Variants in PLS1 observed in about 807,000 individuals in gnomAD.
The protein encoded by PLS1 is plastin 1, also known as plastin-1.
A neutral mutation model predicts 73.7 loss-of-function variants in PLS1; 32 were observed. The ratio of observed to expected loss-of-function variants is 0.43; its 90% CI spans 0.33 to 0.58. The LOEUF is 0.58. PLS1 is among the 20% of genes least tolerant of loss of function. The pLI is 0.04. For missense variants in PLS1, 633 were observed against 740.5 expected (o/e 0.85, Z 1.68); for synonymous variants, 217 against 261.3 (o/e 0.83, Z 1.63).
chr3:142,689,121 A>C (rs934263671), intron 9 of PLS1, among the ~76,000 whole-genome samples: 1 of 152,156 alleles, frequency 6.6e-6, no homozygotes, highest in Non-Finnish European at 1.5e-5. Context: ...AAATTCAGAG[A>C]CTTTTTTCCT....
At chr3:142,647,303 T>A (rs576452827) in intron 1 of PLS1, among the ~76,000 whole-genome samples, 2 of 152,276 alleles carry the variant, frequency 1.3e-5, no homozygotes, top group South Asian at 4.1e-4. Context: ...GGAGTTTCTT[T>A]AGGATAATGG....
At chr3:142,655,363 C>T (rs1337368621) in intron 1 of PLS1, among the ~76,000 whole-genome samples, 2 of 151,992 alleles carry the variant, frequency 1.3e-5, no homozygotes, top group African/African-American at 4.8e-5. Context: ...GAAAAAAGTC[C>T]CAATGTTAAA....
intron 11 of PLS1, among the ~76,000 whole-genome samples, chr3:142,695,956 A>G (rs1400469084): frequency 6.6e-6 from 1 of 151,988 alleles, no homozygotes; most frequent in Non-Finnish European, 1.5e-5. Context: ...CACCACGCCC[A>G]GCTAATTTTG....
At chr3:142,613,339 C>G (rs2036157010) in intron 1 of PLS1, among the ~76,000 whole-genome samples, 1 of 151,814 alleles carries the variant, frequency 6.6e-6, no homozygotes, top group South Asian at 2.1e-4. Flanking sequence ...AATTAGCCAG[C>G]TGTGGTGGCT....
intron 1 of PLS1, among the ~76,000 whole-genome samples, chr3:142,651,348 G>A (rs775809304): frequency 1.3e-5 from 2 of 151,056 alleles, no homozygotes; most frequent in South Asian, 4.2e-4. Flanking sequence ...TGTAATCTCA[G>A]CTTCTTTGGA....
intron 1 of PLS1, among the ~76,000 whole-genome samples, chr3:142,663,007 C>T (rs536875159): frequency 1.3e-5 from 2 of 152,048 alleles, no homozygotes; most frequent in African/African-American, 2.4e-5. Context: ...GTCAGGAGTT[C>T]GAGACCAGCC....
At chr3:142,634,426 A>G (rs1308451851) in intron 1 of PLS1, among the ~76,000 whole-genome samples, 1 of 152,214 alleles carries the variant, frequency 6.6e-6, no homozygotes, top group African/African-American at 2.4e-5. Flanking sequence ...ACCCAAAGAA[A>G]AAATACACAT....
At chr3:142,680,021 A>T (rs569740736) in intron 6 of PLS1, among the ~76,000 whole-genome samples, 13 of 152,120 alleles carry the variant, frequency 8.5e-5, no homozygotes, top group African/African-American at 2.9e-4. Context: ...TAGGTATTTT[A>T]TTCTCTTTGA....
intron 1 of PLS1, among the ~76,000 whole-genome samples, chr3:142,614,344 G>T (rs1022275365): frequency 2.0e-5 from 3 of 150,788 alleles, no homozygotes; most frequent in Non-Finnish European, 4.4e-5. Flanking sequence ...TGTGTAGAAG[G>T]GGGTGGTCAT....
At chr3:142,667,847 G>C (rs2037512182) in intron 2 of PLS1, among the ~76,000 whole-genome samples, 1 of 152,156 alleles carries the variant, frequency 6.6e-6, no homozygotes, top group South Asian at 2.1e-4. Context: ...CATGTAATGA[G>C]ATTTTTCTCT....
At chr3:142,614,782 A>G (rs2036185253) in intron 1 of PLS1, among the ~76,000 whole-genome samples, 1 of 152,084 alleles carries the variant, frequency 6.6e-6, no homozygotes, top group Admixed American at 6.5e-5. Context: ...CCTGGGCTCC[A>G]TCTGCTGCTT....
At chr3:142,631,004 G>A (rs988462724) in intron 1 of PLS1, among the ~76,000 whole-genome samples, 2 of 147,754 alleles carry the variant, frequency 1.4e-5, no homozygotes, top group Non-Finnish European at 3.0e-5. Context: ...TTTTGACAAG[G>A]GTCCCAAGAC....
intron 2 of PLS1, among the ~76,000 whole-genome samples, 158 bp downstream of exon 2, chr3:142,664,465 A>G (rs2037434970): frequency 6.6e-6 from 1 of 152,226 alleles, no homozygotes; most frequent in South Asian, 2.1e-4. Context: ...TCTTTCTGAA[A>G]GATAAGCTAC....
At chr3:142,615,139 C>T (rs1202478969) in intron 1 of PLS1, among the ~76,000 whole-genome samples, 1 of 152,092 alleles carries the variant, frequency 6.6e-6, no homozygotes, top group Admixed American at 6.5e-5. Flanking sequence ...AGCCCCAGGT[C>T]TTGGCTTAGT....
intron 9 of PLS1, among the ~76,000 whole-genome samples, chr3:142,687,135 G>C (rs939862348): frequency 2.0e-5 from 3 of 151,580 alleles, no homozygotes; most frequent in Non-Finnish European, 2.9e-5. Context: ...AGGATGTCCA[G>C]TCTTTTGGCT....
chr3:142,688,733 G>T (rs973923071), intron 9 of PLS1, among the ~76,000 whole-genome samples: 12 of 151,968 alleles, frequency 7.9e-5, no homozygotes, highest in Admixed American at 7.2e-4. Flanking sequence ...TTTTGGCCTT[G>T]TATCTCTAAG....
intron 1 of PLS1, among the ~76,000 whole-genome samples, chr3:142,611,338 T>C (rs1025116490): frequency 1.3e-5 from 2 of 152,186 alleles, no homozygotes; most frequent in African/African-American, 2.4e-5. Flanking sequence ...ATTACTTAAA[T>C]TGGTCAAGCA....
intron 1 of PLS1, among the ~76,000 whole-genome samples, chr3:142,641,633 G>GT (rs2036843432): frequency 1.3e-5 from 2 of 151,954 alleles, no homozygotes; most frequent in South Asian, 4.2e-4. Context: ...TTTTGTCTGT[G>GT]TAAGTTTTGT....
At chr3:142,678,335 A>G (rs893334185) in intron 6 of PLS1, among the ~76,000 whole-genome samples, 2 of 150,378 alleles carry the variant, frequency 1.3e-5, no homozygotes, top group Non-Finnish European at 3.0e-5. Context: ...GGTTAGTTAC[A>G]TATGTATACA....
Sources: allele counts gnomAD v4.1 joint callset (sites outside exome capture counted in the v4.1 genomes callset), GRCh38; gene constraint gnomAD v4.1.1; transcripts MANE v1.5; gene names NCBI Gene and HGNC (gene_info 2026-07-23, HGNC 2026-07-21).